Variants in NELL2 observed in about 807,000 individuals in gnomAD.
NELL2 encodes the protein protein kinase C-binding protein NELL2.
NELL2 carries 41 observed loss-of-function variants against 109.6 expected under a neutral mutation model. The ratio of observed to expected loss-of-function variants is 0.37; its 90% confidence interval spans 0.29 to 0.49. The LOEUF is 0.49. Ranked by LOEUF, NELL2 falls within the 20% of genes least tolerant of loss-of-function variation. The probability of loss-of-function intolerance (pLI) is 0.98; values close to 1 mark genes in which losing one functional copy is unlikely to be tolerated. For synonymous variants in NELL2, 355 were observed against 344.7 expected (o/e 1.03, Z -0.33); for missense variants, 900 against 1,008.3 (o/e 0.89, Z 1.45).
intron 13 of NELL2, among the ~76,000 whole-genome samples, chr12:44,658,855 C>T (rs560383254): frequency 8.3e-5 from 10 of 120,354 alleles, no homozygotes; most frequent in South Asian, 5.2e-4. Context: ...CCAGCCTGGG[C>T]GACAGAGCAA....
chr12:44,708,924 A>G (rs1938039387), intron 11 of NELL2, among the ~76,000 whole-genome samples: 1 of 152,308 alleles, frequency 6.6e-6, no homozygotes, highest in Non-Finnish European at 1.5e-5. Context: ...TTTAAATATA[A>G]CACAATTTTA....
chr12:44,717,942 G>T (rs1938575684), intron 9 of NELL2, among the ~76,000 whole-genome samples: 1 of 152,152 alleles, frequency 6.6e-6, no homozygotes, highest in Non-Finnish European at 1.5e-5. Flanking sequence ...GGAGTGTTGG[G>T]TGCCCAGGAA....
chr12:44,807,676 T>C (rs1235671810), intron 3 of NELL2, among the ~76,000 whole-genome samples: 1 of 152,008 alleles, frequency 6.6e-6, no homozygotes, highest in Non-Finnish European at 1.5e-5. Flanking sequence ...TATTTTTTAA[T>C]GCTGAAAAGA....
chr12:44,875,242 T>G lies in NELL2; in HGVS notation c.167A>C (p.Lys56Thr), dbSNP rs752374884. 32 of 1,613,564 alleles carry G rather than the reference T, an allele frequency of 2.0e-5. 1 individual carries two copies. In the South Asian group the frequency reaches 3.4e-4, roughly 17 times the overall value. ...RQVPGLHNGTKAFLFQDTPRS... is the reference protein window; with the variant it reads ...RQVPGLHNGTTAFLFQDTPRS... Reference sequence around the variant, plus strand: ...GGGCATACCTTGAAAGAGAAAGGCTTTCGTCCCATTATGCAGCCCCGGGAC... The same window carrying G: ...GGGCATACCTTGAAAGAGAAAGGCTGTCGTCCCATTATGCAGCCCCGGGAC... Residue 56 changes from lysine (K) to threonine (T), a missense_variant, in exon 2 of 20, where the codon AAA (lysine) becomes ACA (threonine). By Grantham distance (78) the Lys-to-Thr change is moderately conservative. Coordinates refer to ENST00000429094, the MANE Select transcript of NELL2 (RefSeq NM_001145108.2).
intron 2 of NELL2, among the ~76,000 whole-genome samples, chr12:44,834,465 A>G (rs76516873): frequency 0.017 from 2,568 of 148,656 alleles, 45 homozygotes; most frequent in East Asian, 0.047. Context: ...TCTCTTTAAA[A>G]GGTTTATTGA....
chr12:44,871,682 C>G (rs1379694549), intron 2 of NELL2, among the ~76,000 whole-genome samples: 1 of 152,180 alleles, frequency 6.6e-6, no homozygotes, highest in African/African-American at 2.4e-5. Context: ...CCTCGATTTC[C>G]TCAATGCAGT....
At chr12:44,877,600 A>G (rs1397346555), upstream of NELL2, among the ~76,000 whole-genome samples, 2 of 152,200 alleles carry the variant, frequency 1.3e-5, no homozygotes, top group Non-Finnish European at 2.9e-5. Context: ...CAGGAGTATA[A>G]TATACATTTT....
chr12:44,913,538 AGT>A (rs1945801722), intron 1 of NELL2, among the ~76,000 whole-genome samples: 1 of 152,194 alleles, frequency 6.6e-6, no homozygotes. Context: ...GTCCTAAAAT[AGT>A]TGCCAGAGAT....
chr12:44,842,581 T>C (rs1293771797), intron 2 of NELL2, among the ~76,000 whole-genome samples: 1 of 152,166 alleles, frequency 6.6e-6, no homozygotes, highest in African/African-American at 2.4e-5. Context: ...AAATTAAAAA[T>C]AGATAAACTG....
chr12:44,521,009 C>T (rs2138981758), intron 18 of NELL2, among the ~76,000 whole-genome samples: 1 of 152,220 alleles, frequency 6.6e-6, no homozygotes, highest in South Asian at 2.1e-4. Flanking sequence ...AAGAAACTGG[C>T]CATAACTTTA....
At chr12:44,875,723 G>T in intron 1 of NELL2, 92 bp downstream of exon 1, 3 of 1,608,874 alleles carry the variant, frequency 1.9e-6, no homozygotes, top group Non-Finnish European at 2.5e-6. Flanking sequence ...ACCTACTTTG[G>T]GTCCGGGAAA....
intron 1 of NELL2, among the ~76,000 whole-genome samples, chr12:44,892,263 G>T (rs1945542652): frequency 6.6e-6 from 1 of 152,210 alleles, no homozygotes; most frequent in Non-Finnish European, 1.5e-5. Flanking sequence ...CAGAGTGACA[G>T]ACAGCATCCC....
At chr12:44,886,665 T>C (rs1418115889) in intron 1 of NELL2, among the ~76,000 whole-genome samples, 1 of 151,964 alleles carries the variant, frequency 6.6e-6, no homozygotes, top group Non-Finnish European at 1.5e-5. Flanking sequence ...GTTAGAACCA[T>C]CCAAATTATT....
intron 9 of NELL2, among the ~76,000 whole-genome samples, chr12:44,750,768 T>C (rs1940617027): frequency 6.6e-6 from 1 of 152,110 alleles, no homozygotes; most frequent in African/African-American, 2.4e-5. Flanking sequence ...TAAGTCTTGA[T>C]AGCAAGCAGA....
At chr12:44,610,722 C>T (rs1456310749) in intron 14 of NELL2, 126 bp downstream of exon 14, 9 of 1,323,348 alleles carry the variant, frequency 6.8e-6, no homozygotes, top group Middle Eastern at 1.9e-4. Flanking sequence ...GAGCCACACA[C>T]CAAAGCTTTT....
Position 44,902,104 on chromosome 12 carries a change from T to C in NELL2, c.38+11695A>G, listed in dbSNP as rs1945667678. On this transcript the variant is annotated intron_variant, in intron 1 of 20. Coordinates refer to the NELL2 transcript ENST00000333837. ...GGTATTCAAATAGGAAGACAGGAAGTCAAATTGTCTCTGTTTGCAGATGAC... is the reference window on the plus strand; with the variant it reads ...GGTATTCAAATAGGAAGACAGGAAGCCAAATTGTCTCTGTTTGCAGATGAC... 4.6e-5 allele frequency among the ~76,000 whole-genome samples: 7 copies of C among 152,152 alleles called. No individual in the cohort carries two copies. In the South Asian group the frequency reaches 1.5e-3, roughly 32 times the overall value.
At chr12:44,748,087 A>G (rs1047174725) in intron 9 of NELL2, among the ~76,000 whole-genome samples, 9 of 152,186 alleles carry the variant, frequency 5.9e-5, no homozygotes, top group African/African-American at 2.2e-4. Flanking sequence ...AACATCCCCT[A>G]CAAAGTGTGG....
chr12:44,544,730 T>G (rs1942723590), intron 15 of NELL2, among the ~76,000 whole-genome samples: 1 of 152,084 alleles, frequency 6.6e-6, no homozygotes, highest in African/African-American at 2.4e-5. Flanking sequence ...AGGATGGTGA[T>G]TCACATAGTA....
chr12:44,532,946 C>A (rs1288040703), intron 15 of NELL2, among the ~76,000 whole-genome samples: 1 of 152,088 alleles, frequency 6.6e-6, no homozygotes, highest in African/African-American at 2.4e-5. Flanking sequence ...AAAAGGTATT[C>A]CACTGTAGAA....
Sources: allele counts gnomAD v4.1 joint callset (sites outside exome capture counted in the v4.1 genomes callset), GRCh38; gene constraint gnomAD v4.1.1; transcripts MANE v1.5; gene names NCBI Gene and HGNC (gene_info 2026-07-23, HGNC 2026-07-21).